FSTL5: variants seen among roughly 807,000 people sequenced by gnomAD.
FSTL5 encodes the protein follistatin like 5.
In FSTL5, 62 loss-of-function variants were observed where a neutral mutation model predicts 89.1. That is an observed-to-expected ratio of 0.70 (90% confidence interval 0.57 to 0.86). The LOEUF is 0.86. Among genes scored for constraint, FSTL5 ranks in the 40% least tolerant of loss-of-function variants. The pLI, the probability that FSTL5 is intolerant of heterozygous loss-of-function variation, is 0.00. For missense variants in FSTL5, 1,057 were observed against 1,001.6 expected (o/e 1.06, Z -0.75); for synonymous variants, 383 against 346.2 (o/e 1.11, Z -1.18).
chr4:161,782,338 G>A (rs1202311159), intron 4 of FSTL5, among the ~76,000 whole-genome samples: 4 of 152,082 alleles, frequency 2.6e-5, no homozygotes, highest in South Asian at 2.1e-4. Context: ...CAAAGTGGCC[G>A]TACCATTTTG....
At chr4:161,690,015 G>A (rs545907075) in intron 6 of FSTL5, among the ~76,000 whole-genome samples, 52 of 152,136 alleles carry the variant, frequency 3.4e-4, no homozygotes, top group Admixed American at 1.0e-3. Flanking sequence ...TCCACTCTGC[G>A]TATATACCAC....
chr4:161,397,651 AAGAAG>A lies in FSTL5; in HGVS notation c.1842-11207_1842-11203del, dbSNP rs1731052928. Among the ~76,000 whole-genome samples the A allele has an allele frequency of 5.5e-5, 6 of 108,976 alleles. No homozygotes were observed. The Admixed American group carries it at 5.7e-4, about 10-fold the overall frequency. The allele number at this position is 108,976 out of a possible 152,430, so 71.5% of individuals were successfully genotyped here. ...TTAGAAACAAAAAACATACATATTG[AAGAAG>A]AGACTTTTTAAAGCAAGATAAAAGT... On this transcript the variant is annotated intron_variant, in intron 15 of 15. Coordinates refer to ENST00000306100, the MANE Select transcript of FSTL5 (RefSeq NM_020116.5).
In FSTL5 at chr4:162,145,483, A is replaced by G. The variant is rs1732937228; in HGVS notation, c.-17+18132T>C. 2.0e-5 allele frequency among the ~76,000 whole-genome samples: 3 copies of G among 152,288 alleles called. No homozygotes were observed. In the South Asian group the frequency reaches 6.2e-4, roughly 32 times the overall value. On this transcript the variant is annotated intron_variant, in intron 1 of 15. Transcript: ENST00000306100. Reference sequence around the variant, plus strand: ...TAAAAGTGTATTTCTCGTTTTCCCTACATATGCACTGAAGGTTGGCAAGGA... The same window carrying G: ...TAAAAGTGTATTTCTCGTTTTCCCTGCATATGCACTGAAGGTTGGCAAGGA...
At chr4:161,408,669 G>C (rs1396812830) in intron 15 of FSTL5, among the ~76,000 whole-genome samples, 2 of 152,154 alleles carry the variant, frequency 1.3e-5, no homozygotes, top group Admixed American at 6.5e-5. Context: ...GTCCAAGGAA[G>C]CCAATCAATA....
intron 15 of FSTL5, among the ~76,000 whole-genome samples, chr4:161,400,598 T>A (rs1731151531): frequency 6.6e-6 from 1 of 152,046 alleles, no homozygotes; most frequent in South Asian, 2.1e-4. Flanking sequence ...CCTTACAGTA[T>A]AAATGAATCA....
At chr4:161,574,416 T>C (rs1420145419) in intron 8 of FSTL5, among the ~76,000 whole-genome samples, 1 of 151,780 alleles carries the variant, frequency 6.6e-6, no homozygotes, top group Non-Finnish European at 1.5e-5. Context: ...TACATAGTTA[T>C]ACATGTGCCA....
intron 4 of FSTL5, among the ~76,000 whole-genome samples, chr4:161,827,510 G>A (rs1730703081): frequency 1.3e-5 from 2 of 152,188 alleles, no homozygotes; most frequent in South Asian, 4.1e-4. Context: ...GGGGCTTAGA[G>A]CTCCCAAGAG....
chr4:161,973,200 G>C (rs1264826194), intron 3 of FSTL5, among the ~76,000 whole-genome samples: 1 of 151,956 alleles, frequency 6.6e-6, no homozygotes. Context: ...CGTAGTGAAA[G>C]GTATAGCATG....
rs192720087 is a variant in FSTL5 at position 161,450,827 on chromosome 4, C to T, written c.1841+4177G>A. ...GCACGATCTCGGCTTACTGCAAGAT[C>T]CACCCTCCCAGGTTCATGGCATTCT... is the stretch of plus-strand genomic sequence containing the variant. On this transcript the variant is annotated intron_variant, in intron 15 of 15. Coordinates refer to ENST00000306100, the MANE Select transcript of FSTL5 (RefSeq NM_020116.5). Among the ~76,000 whole-genome samples, 22 of 149,910 alleles carry T rather than the reference C, an allele frequency of 1.5e-4. 1 individual carries two copies. Among genetic ancestry groups the T allele is most frequent in the Non-Finnish European group, 2.8e-4 (19 of 67,768 alleles).
At chr4:161,816,348 A>C (rs2126845053) in intron 4 of FSTL5, among the ~76,000 whole-genome samples, 1 of 152,352 alleles carries the variant, frequency 6.6e-6, no homozygotes, top group African/African-American at 2.4e-5. Flanking sequence ...GGTGAAAAAC[A>C]ATTTTAAATA....
intron 15 of FSTL5, among the ~76,000 whole-genome samples, chr4:161,443,677 C>T (rs1216736362): frequency 2.0e-5 from 3 of 151,784 alleles, no homozygotes; most frequent in African/African-American, 7.3e-5. Flanking sequence ...ATTCTGAGAG[C>T]GGTGCTGTCT....
At chr4:161,891,416 T>C (rs764089009) in intron 4 of FSTL5, among the ~76,000 whole-genome samples, 4 of 152,128 alleles carry the variant, frequency 2.6e-5, no homozygotes, top group Non-Finnish European at 5.9e-5. Flanking sequence ...GACAACTTAG[T>C]TGGTAAAAAA....
At chr4:161,877,454 T>C (rs947143907) in intron 4 of FSTL5, among the ~76,000 whole-genome samples, 6 of 151,362 alleles carry the variant, frequency 4.0e-5, no homozygotes, top group Middle Eastern at 3.5e-3. Context: ...AGTGGAAAAA[T>C]ATTTTAACTA....
intron 2 of FSTL5, among the ~76,000 whole-genome samples, chr4:162,083,545 GA>G (rs899393053): frequency 1.3e-5 from 2 of 151,378 alleles, no homozygotes; most frequent in African/African-American, 4.8e-5. Flanking sequence ...AAATAATTTA[GA>G]AAAAAATCAC....
In FSTL5 at chr4:161,934,503, A is replaced by G. The variant is rs531223045; in HGVS notation, c.161-13851T>C. Among the ~76,000 whole-genome samples, 305 of 152,240 alleles carry G rather than the reference A, an allele frequency of 2.0e-3. 1 individual carries two copies. The highest frequency in any genetic ancestry group is 6.9e-3 in the African/African-American group (288 of 41,582). ...TGAAATAACTCATATGTAACTTTTT[A>G]AAAACCTCATATGATCAGTAGTGTT... On this transcript the variant is annotated intron_variant, in intron 3 of 15. Coordinates refer to ENST00000306100, the MANE Select transcript of FSTL5 (RefSeq NM_020116.5).
At chr4:161,955,677 G>T (rs1458231711) in intron 3 of FSTL5, among the ~76,000 whole-genome samples, 1 of 150,908 alleles carries the variant, frequency 6.6e-6, no homozygotes, top group Non-Finnish European at 1.5e-5. Flanking sequence ...TAGCAGCCTA[G>T]TTAAAAAGTA....
At chr4:161,445,187 G>A (rs1465999962) in intron 15 of FSTL5, among the ~76,000 whole-genome samples, 1 of 151,826 alleles carries the variant, frequency 6.6e-6, no homozygotes, top group Non-Finnish European at 1.5e-5. Flanking sequence ...TTGTGCATAG[G>A]ACAAAAGGAA....
chr4:162,053,361 CT>C (rs1280544496), intron 2 of FSTL5, among the ~76,000 whole-genome samples: 1 of 151,658 alleles, frequency 6.6e-6, no homozygotes, highest in Non-Finnish European at 1.5e-5. Context: ...TTAAAATGGT[CT>C]TTTTTTAGTA....
chr4:161,766,813 G>A (rs1741018317), intron 5 of FSTL5, among the ~76,000 whole-genome samples: 1 of 152,078 alleles, frequency 6.6e-6, no homozygotes, highest in South Asian at 2.1e-4. Context: ...TGTTTCCCAA[G>A]CAAGTCGTTT....
Sources: gnomAD v4.1 joint callset for allele counts (sites outside exome capture counted in the v4.1 genomes callset) on GRCh38, gnomAD v4.1.1 for gene constraint, MANE v1.5 for transcripts, NCBI Gene and HGNC (gene_info 2026-07-23, HGNC 2026-07-21) for gene names.